STAP1: variants seen among roughly 807,000 people sequenced by gnomAD.
The protein encoded by STAP1 is signal-transducing adaptor protein 1.
Under a neutral mutation model 37.8 loss-of-function variants are expected in STAP1, and 30 were observed. That is an observed-to-expected ratio of 0.79 (90% CI 0.59 to 1.08). The LOEUF (loss-of-function observed/expected upper bound fraction) is 1.08, where lower values mean the gene tolerates loss of function less well. STAP1 is among the 50% of genes least tolerant of loss of function. The pLI is 0.00. For missense variants in STAP1, 357 were observed against 349.4 expected (o/e 1.02, Z -0.17); for synonymous variants, 130 against 116.0 (o/e 1.12, Z -0.78).
intron 5 of STAP1, among the ~76,000 whole-genome samples, chr4:67,583,108 A>G (rs111597024): frequency 0.023 from 3,463 of 152,342 alleles, 74 homozygotes; most frequent in Middle Eastern, 0.058. Context: ...AATGCCATAG[A>G]AAGACATATT....
chr4:67,603,037 T>C (rs184373308), intron 8 of STAP1, among the ~76,000 whole-genome samples: 75 of 152,266 alleles, frequency 4.9e-4, no homozygotes, highest in African/African-American at 1.8e-3. Flanking sequence ...GGCCTGGAGT[T>C]AGGAACCTCA....
intron 4 of STAP1, among the ~76,000 whole-genome samples, chr4:67,578,070 T>C (rs1265532612): frequency 2.0e-5 from 3 of 152,212 alleles, no homozygotes; most frequent in African/African-American, 7.2e-5. Flanking sequence ...CCTTTAAACA[T>C]TTCTTCAGTG....
At chr4:67,576,234 T>C (rs1727717550) in intron 3 of STAP1, among the ~76,000 whole-genome samples, 1 of 152,228 alleles carries the variant, frequency 6.6e-6, no homozygotes, top group African/African-American at 2.4e-5. Context: ...TGCCCCTAGT[T>C]GGACTCCTAA....
chr4:67,583,220 A>G (rs958350083), intron 5 of STAP1, among the ~76,000 whole-genome samples: 4 of 152,134 alleles, frequency 2.6e-5, no homozygotes, highest in South Asian at 2.1e-4. Flanking sequence ...CCGAAAGGAG[A>G]CCCCCAATAA....
Position 67,575,390 on chromosome 4 carries a change from T to G in STAP1, c.198T>G (p.Val66=). Residue 66 remains valine (V), a synonymous_variant, in exon 3 of 9, where the codon GTT becomes GTG. Transcript: ENST00000265404. Reference sequence around the variant, plus strand: ...ATCTTCCTTTATCTTTGCAGTATGTTGACAAATTAGACATAGTAGACCTCA... The same window carrying G: ...ATCTTCCTTTATCTTTGCAGTATGTGGACAAATTAGACATAGTAGACCTCA... ...FYTDKKSIIY[V]DKLDIVDLTC... is the part of the protein sequence containing the mutation. The G allele has an allele frequency of 6.3e-7, 1 of 1,584,508 alleles. No homozygotes were observed. The highest frequency in any genetic ancestry group is 8.5e-7 in the Non-Finnish European group (1 of 1,170,218).
intron 8 of STAP1, among the ~76,000 whole-genome samples, chr4:67,604,050 C>T (rs962767990): frequency 1.3e-5 from 2 of 152,198 alleles, no homozygotes; most frequent in Non-Finnish European, 2.9e-5. Context: ...ATTCTGCCCA[C>T]TGGGATGGAT....
Position 67,581,449 on chromosome 4 carries a change from G to T in STAP1, c.508G>T (p.Asp170Tyr), listed in dbSNP as rs1727856298. 6.2e-7 allele frequency: 1 copy of T among 1,613,206 alleles called. No individual in the cohort carries two copies. The highest frequency in any genetic ancestry group is 1.3e-5 in the African/African-American group (1 of 74,876). Reference sequence around the variant, plus strand: ...GAAGGAACCAACTGAAGATTATGTGGATGTACTGAACCCTATGCCAGCGTA... The same window carrying T: ...GAAGGAACCAACTGAAGATTATGTGTATGTACTGAACCCTATGCCAGCGTA... Reference protein sequence around the residue: ...KEKEPTEDYVDVLNPMPACFY... With the variant: ...KEKEPTEDYVYVLNPMPACFY... The change falls in exon 5 of 9, where the codon GAT (aspartate) becomes TAT (tyrosine). Residue 170 changes from aspartate to tyrosine, a missense_variant. Physicochemically the swap from Asp to Tyr is radical, Grantham distance 160 (BLOSUM62 -3). Coordinates refer to ENST00000265404, the MANE Select transcript of STAP1 (RefSeq NM_012108.4).
chr4:67,586,586 T>C lies in STAP1; in HGVS notation c.659+2884T>C, dbSNP rs80171489. Reference sequence around the variant, plus strand: ...TATACAATTAACTATGAGAAATAACTGTTTTCTGTTGCAGATGTGGTGTGT... The same window carrying C: ...TATACAATTAACTATGAGAAATAACCGTTTTCTGTTGCAGATGTGGTGTGT... On this transcript the variant is annotated intron_variant, in intron 6 of 8. Coordinates refer to ENST00000265404, the MANE Select transcript of STAP1 (RefSeq NM_012108.4). 1.4e-4 allele frequency among the ~76,000 whole-genome samples: 22 copies of C among 152,338 alleles called. No homozygotes were observed. In the East Asian group the frequency reaches 3.7e-3, roughly 25 times the overall value.
At chr4:67,596,165 A>G (rs1237364854) in intron 8 of STAP1, among the ~76,000 whole-genome samples, 3 of 152,110 alleles carry the variant, frequency 2.0e-5, no homozygotes. Context: ...GGTTTGCCCC[A>G]TGCTGTTCTC....
At chr4:67,587,937 TG>T (rs1728023663) in intron 6 of STAP1, among the ~76,000 whole-genome samples, 3 of 149,490 alleles carry the variant, frequency 2.0e-5, no homozygotes, top group Admixed American at 1.3e-4. Context: ...TTGGTCAGGC[TG>T]GTCTCGAACT....
chr4:67,584,049 G>T (rs894644132), intron 6 of STAP1, among the ~76,000 whole-genome samples: 1 of 137,076 alleles, frequency 7.3e-6, no homozygotes, highest in South Asian at 2.3e-4. Context: ...AGTGAGCCGA[G>T]ATCACACCAC....
intron 1 of STAP1, among the ~76,000 whole-genome samples, chr4:67,564,092 A>G (rs1459988184): frequency 6.6e-6 from 1 of 152,154 alleles, no homozygotes; most frequent in African/African-American, 2.4e-5. Context: ...TTCTATGTGT[A>G]TTTATTACAT....
At chr4:67,580,775 C>A (rs933801803) in intron 4 of STAP1, among the ~76,000 whole-genome samples, 5 of 152,190 alleles carry the variant, frequency 3.3e-5, no homozygotes, top group Admixed American at 2.0e-4. Flanking sequence ...AGAAAAGTAT[C>A]ATAATTCTAA....
chr4:67,604,776 A>AT (rs1728414920), intron 8 of STAP1, among the ~76,000 whole-genome samples: 1 of 151,946 alleles, frequency 6.6e-6, no homozygotes, highest in African/African-American at 2.4e-5. Context: ...TCTCTGGTGC[A>AT]TTTTTTAAAA....
chr4:67,577,761 G>C (rs1727759515), intron 4 of STAP1, among the ~76,000 whole-genome samples: 1 of 150,030 alleles, frequency 6.7e-6, no homozygotes, highest in Non-Finnish European at 1.5e-5. Context: ...TGATTCTCCT[G>C]CTTCAGCCTC....
At position 67,569,058 on chromosome 4, in the gene STAP1, T is replaced by C. The variant is rs116745388; in HGVS notation, c.121-2026T>C. On this transcript the variant is annotated intron_variant, in intron 1 of 8. Coordinates refer to ENST00000265404, the MANE Select transcript of STAP1 (RefSeq NM_012108.4). ...GTGTGAACATCACGGAGTATACTTATGCAACCATAGATGGTATAGCCTATT... is the reference window on the plus strand; with the variant it reads ...GTGTGAACATCACGGAGTATACTTACGCAACCATAGATGGTATAGCCTATT... Among the ~76,000 whole-genome samples, 976 of 152,328 alleles carry C rather than the reference T, an allele frequency of 6.4e-3. 9 individuals carry two copies. The highest frequency in any genetic ancestry group is 0.022 in the African/African-American group (910 of 41,572).
chr4:67,586,134 C>G (rs1294937079), intron 6 of STAP1, among the ~76,000 whole-genome samples: 1 of 152,052 alleles, frequency 6.6e-6, no homozygotes, highest in Non-Finnish European at 1.5e-5. Context: ...ATGAAATGAA[C>G]AAACTCTCAA....
intron 5 of STAP1, among the ~76,000 whole-genome samples, chr4:67,582,906 G>A (rs1019748462): frequency 2.2e-4 from 33 of 152,252 alleles, no homozygotes; most frequent in African/African-American, 7.7e-4. Context: ...AGTGTTCTAA[G>A]CATTTTTAAG....
intron 6 of STAP1, among the ~76,000 whole-genome samples, chr4:67,588,368 T>C (rs1034183783): frequency 6.6e-6 from 1 of 151,920 alleles, no homozygotes; most frequent in Non-Finnish European, 1.5e-5. Context: ...ATGATGATGA[T>C]GATGATGATA....
Sources: gnomAD v4.1 joint callset for allele counts (sites outside exome capture counted in the v4.1 genomes callset) on GRCh38, gnomAD v4.1.1 for gene constraint, MANE v1.5 for transcripts, NCBI Gene and HGNC (gene_info 2026-07-23, HGNC 2026-07-21) for gene names.